Variants in ROBO2 observed in about 807,000 individuals in gnomAD.
The protein encoded by ROBO2 is roundabout homolog 2.
Under a neutral mutation model 160.8 loss-of-function variants are expected in ROBO2, and 53 were observed. The observed-to-expected ratio is 0.33, with a 90% confidence interval of 0.26 to 0.41. The LOEUF is 0.41. Among genes scored for constraint, ROBO2 ranks in the 10% least tolerant of loss-of-function variants. The pLI is 1.00. For synonymous variants in ROBO2, 664 were observed against 611.7 expected (o/e 1.09, Z -1.26); for missense variants, 1,577 against 1,722.4 (o/e 0.92, Z 1.49).
intron 2 of ROBO2, among the ~76,000 whole-genome samples, chr3:76,517,923 A>T (rs1033797928): frequency 6.6e-6 from 1 of 152,186 alleles, no homozygotes; most frequent in Non-Finnish European, 1.5e-5. Flanking sequence ...ACAAAAGGTT[A>T]ATAACTGTCA....
In ROBO2 at chr3:77,098,360, C is replaced by T; in HGVS notation, c.388+20C>T. The T allele has an allele frequency of 6.2e-7, 1 of 1,608,288 alleles. No individual in the cohort carries two copies. The highest frequency in any genetic ancestry group is 8.5e-7 in the Non-Finnish European group (1 of 1,174,776). ...TGGCATGTAAGTGAACATAATGAAC[C>T]TCATGTGCACATTTACTTTTATTTA... On this transcript the variant is annotated intron_variant, in intron 2 of 25. Coordinates refer to ENST00000461745, the Ensembl canonical transcript of ROBO2.
At chr3:77,363,372 G>C (rs1391864377) in intron 2 of ROBO2, among the ~76,000 whole-genome samples, 1 of 152,134 alleles carries the variant, frequency 6.6e-6, no homozygotes, top group Non-Finnish European at 1.5e-5. Flanking sequence ...GAAAATGATA[G>C]CTCAATGTAT....
At chr3:77,341,996 C>G (rs1404297249) in intron 2 of ROBO2, among the ~76,000 whole-genome samples, 1 of 152,012 alleles carries the variant, frequency 6.6e-6, no homozygotes, top group Non-Finnish European at 1.5e-5. Flanking sequence ...GTAGAAATTG[C>G]TGGATATTAA....
intron 2 of ROBO2, among the ~76,000 whole-genome samples, chr3:76,038,782 G>A (rs1233025368): frequency 7.2e-5 from 8 of 110,892 alleles, no homozygotes; most frequent in African/African-American, 2.1e-4. Flanking sequence ...GTGTGTGTGT[G>A]TGTGTGTGTA....
chr3:76,297,384 C>G (rs562227940), intron 2 of ROBO2, among the ~76,000 whole-genome samples: 1 of 152,266 alleles, frequency 6.6e-6, no homozygotes, highest in Non-Finnish European at 1.5e-5. Context: ...TACTAGAAGA[C>G]TCCATTTCCC....
intron 2 of ROBO2, among the ~76,000 whole-genome samples, chr3:77,319,634 CT>C (rs1298884621): frequency 1.3e-5 from 2 of 152,120 alleles, no homozygotes; most frequent in Non-Finnish European, 2.9e-5. Flanking sequence ...AAAGAAGACG[CT>C]TTTGTATCTT....
At chr3:76,455,391 T>C (rs2077698007) in intron 2 of ROBO2, among the ~76,000 whole-genome samples, 1 of 152,174 alleles carries the variant, frequency 6.6e-6, no homozygotes, top group African/African-American at 2.4e-5. Flanking sequence ...GGTGTCAGTG[T>C]TATCCATTCA....
chr3:76,199,482 A>G (rs1399562115), intron 2 of ROBO2, among the ~76,000 whole-genome samples: 1 of 152,170 alleles, frequency 6.6e-6, no homozygotes, highest in Non-Finnish European at 1.5e-5. Flanking sequence ...TGAGACCCAT[A>G]TAGAACCTCT....
At chr3:77,508,078 AT>A (rs1230725547) in intron 5 of ROBO2, among the ~76,000 whole-genome samples, 2 of 151,766 alleles carry the variant, frequency 1.3e-5, no homozygotes, top group Non-Finnish European at 2.9e-5. Context: ...AATGCTTTGG[AT>A]TTGATCTTAT....
rs139089276 is a variant in ROBO2, at chr3:77,566,961, G to A, written c.1850-1352G>A. ...CTAGAAATCTTTTATTTCATTAAAA[G>A]TACAAATACTTGGATTATCAGCATC... On this transcript the variant is annotated intron_variant, in intron 12 of 25. Coordinates refer to ENST00000461745, the Ensembl canonical transcript of ROBO2. Among the ~76,000 whole-genome samples, 19 of 151,836 alleles carry A rather than the reference G, an allele frequency of 1.3e-4. 1 individual carries two copies. The highest frequency in any genetic ancestry group is 4.3e-4 in the African/African-American group (18 of 41,442).
chr3:77,528,027 A>G (rs180778849), intron 6 of ROBO2, among the ~76,000 whole-genome samples: 75 of 151,652 alleles, frequency 4.9e-4, no homozygotes, highest in Admixed American at 8.6e-4. Flanking sequence ...CTTATTTTTC[A>G]TTTGGCTTTG....
chr3:77,578,656 C>T (rs1188575910), intron 15 of ROBO2, among the ~76,000 whole-genome samples: 1 of 151,948 alleles, frequency 6.6e-6, no homozygotes, highest in East Asian at 1.9e-4. Context: ...GTTGTAAAGA[C>T]ACATGCTTAA....
At chr3:77,329,530 C>CT (rs2153440315) in intron 2 of ROBO2, among the ~76,000 whole-genome samples, 2 of 152,240 alleles carry the variant, frequency 1.3e-5, no homozygotes, top group African/African-American at 4.8e-5. Context: ...CACCTGGCAG[C>CT]TTTTTGTCAA....
chr3:76,200,370 A>G (rs983605918), intron 2 of ROBO2, among the ~76,000 whole-genome samples: 4 of 152,176 alleles, frequency 2.6e-5, no homozygotes, highest in African/African-American at 9.7e-5. Flanking sequence ...TTACAAATGG[A>G]AAATCACTTT....
chr3:76,617,505 T>C (rs1172053112), intron 2 of ROBO2, among the ~76,000 whole-genome samples: 3 of 152,218 alleles, frequency 2.0e-5, no homozygotes, highest in African/African-American at 7.2e-5. Flanking sequence ...TATTAAGAGA[T>C]AGTTCAGTAT....
At chr3:77,291,072 A>T (rs2061164644) in intron 2 of ROBO2, among the ~76,000 whole-genome samples, 1 of 150,926 alleles carries the variant, frequency 6.6e-6, no homozygotes, top group African/African-American at 2.5e-5. Context: ...AGATCACCCC[A>T]GACGTAAAGT....
At chr3:77,432,393 C>T (rs34143109) in intron 2 of ROBO2, among the ~76,000 whole-genome samples, 12,605 of 152,066 alleles carry the variant, frequency 0.083, 606 homozygotes, top group African/African-American at 0.11. Flanking sequence ...GGGCATATAG[C>T]GGTGCATGGA....
chr3:75,979,559 T>A (rs2065222755), intron 2 of ROBO2, among the ~76,000 whole-genome samples: 1 of 151,488 alleles, frequency 6.6e-6, no homozygotes, highest in Non-Finnish European at 1.5e-5. Context: ...GAAATTCTCT[T>A]CTGGCACATA....
chr3:77,430,680 G>C (rs988697628), intron 2 of ROBO2, among the ~76,000 whole-genome samples: 1 of 151,960 alleles, frequency 6.6e-6, no homozygotes, highest in Non-Finnish European at 1.5e-5. Context: ...CCATCTCAGG[G>C]GAACCATGCC....
Sources: gnomAD v4.1 joint callset for allele counts (sites outside exome capture counted in the v4.1 genomes callset) on GRCh38, gnomAD v4.1.1 for gene constraint, MANE v1.5 for transcripts, NCBI Gene and HGNC (gene_info 2026-07-23, HGNC 2026-07-21) for gene names.